PPP3CA: variants seen among roughly 807,000 people sequenced by gnomAD.
PPP3CA encodes protein phosphatase 3 catalytic subunit alpha.
In PPP3CA, 14 loss-of-function variants were observed where a neutral mutation model predicts 66.5. The observed-to-expected ratio is 0.21, with a 90% CI of 0.14 to 0.33. The LOEUF (loss-of-function observed/expected upper bound fraction) is 0.33. PPP3CA is among the 10% of genes least tolerant of loss of function. The pLI is 1.00. For missense variants in PPP3CA, 317 were observed against 639.5 expected (o/e 0.50, Z 5.44); for synonymous variants, 232 against 226.2 (o/e 1.03, Z -0.23).
At chr4:101,117,964 A>G (rs1721896880) in intron 2 of PPP3CA, among the ~76,000 whole-genome samples, 1 of 151,998 alleles carries the variant, frequency 6.6e-6, no homozygotes, top group African/African-American at 2.4e-5. Flanking sequence ...TATTATTAAT[A>G]AATTACTAAT....
At chr4:101,230,718 T>C (rs1372945590) in intron 1 of PPP3CA, among the ~76,000 whole-genome samples, 1 of 151,618 alleles carries the variant, frequency 6.6e-6, no homozygotes, top group African/African-American at 2.4e-5. Flanking sequence ...TCTGCCTGCA[T>C]AGGTAAAGTC....
chr4:101,327,210 C>T (rs1333817116), intron 1 of PPP3CA, among the ~76,000 whole-genome samples: 5 of 152,112 alleles, frequency 3.3e-5, no homozygotes, highest in Non-Finnish European at 7.4e-5. Context: ...ATATGGAGAA[C>T]AGTCTTACTT....
At chr4:101,117,791 A>G (rs886697825) in intron 2 of PPP3CA, among the ~76,000 whole-genome samples, 21 of 151,992 alleles carry the variant, frequency 1.4e-4, no homozygotes, top group African/African-American at 4.8e-4. Flanking sequence ...ACCAGTGGCT[A>G]TTTGATATGT....
intron 1 of PPP3CA, among the ~76,000 whole-genome samples, chr4:101,261,244 A>C (rs572245941): frequency 1.0e-3 from 153 of 152,254 alleles, no homozygotes; most frequent in Admixed American, 3.8e-3. Flanking sequence ...TGAGACTCTT[A>C]CAGCATATCA....
intron 11 of PPP3CA, among the ~76,000 whole-genome samples, chr4:101,033,608 A>G (rs1426293459): frequency 6.6e-6 from 1 of 152,222 alleles, no homozygotes; most frequent in Non-Finnish European, 1.5e-5. Context: ...CTACTACTGC[A>G]TCTCTTTTGA....
intron 1 of PPP3CA, among the ~76,000 whole-genome samples, chr4:101,202,208 A>C (rs778613784): frequency 8.5e-4 from 129 of 152,104 alleles, no homozygotes; most frequent in Non-Finnish European, 1.4e-3. Flanking sequence ...ATAAATATTT[A>C]ATTTTTTAGA....
chr4:101,259,929 T>G (rs1726960279), intron 1 of PPP3CA, among the ~76,000 whole-genome samples: 1 of 152,174 alleles, frequency 6.6e-6, no homozygotes, highest in Admixed American at 6.5e-5. Flanking sequence ...TTAAATAAAG[T>G]GCTAAGAGCT....
At chr4:101,276,743 GA>G (rs1045090271) in intron 1 of PPP3CA, among the ~76,000 whole-genome samples, 3 of 150,920 alleles carry the variant, frequency 2.0e-5, no homozygotes, top group Non-Finnish European at 3.0e-5. Context: ...TAGATTTAGA[GA>G]AAAAAAAACT....
At chr4:101,273,170 T>C (rs1388694074) in intron 1 of PPP3CA, among the ~76,000 whole-genome samples, 1 of 152,194 alleles carries the variant, frequency 6.6e-6, no homozygotes, top group Non-Finnish European at 1.5e-5. Context: ...TGGTATGTGT[T>C]TCTAAGTCAA....
In PPP3CA at chr4:101,077,505, T is replaced by C. The variant is rs560502469; in HGVS notation, c.955+3027A>G. On this transcript the variant is annotated intron_variant, in intron 8 of 13. Transcript: ENST00000394854. ...AAATTCTAGTTAACATCAATCTTAT[T>C]CAAACACAGTAATTTTCACTTTAGC... is the stretch of plus-strand genomic sequence containing the variant. Among the ~76,000 whole-genome samples the C allele has an allele frequency of 2.6e-5, 4 of 152,354 alleles. No individual in the cohort carries two copies. In the South Asian group the frequency reaches 8.3e-4, roughly 32 times the overall value.
intron 1 of PPP3CA, among the ~76,000 whole-genome samples, 166 bp downstream of exon 1, chr4:101,346,572 CG>C (rs1023204781): frequency 1.3e-5 from 2 of 150,766 alleles, no homozygotes; most frequent in East Asian, 2.0e-4. Context: ...GCCGCGGGGG[CG>C]GGGGGTTCGC....
chr4:101,232,856 A>G (rs957564433), intron 1 of PPP3CA, among the ~76,000 whole-genome samples: 5 of 151,722 alleles, frequency 3.3e-5, no homozygotes, highest in African/African-American at 1.2e-4. Context: ...TCCATTTTTA[A>G]TGGTCTATAT....
At chr4:101,215,692 T>A (rs1286153617) in intron 1 of PPP3CA, among the ~76,000 whole-genome samples, 1 of 152,090 alleles carries the variant, frequency 6.6e-6, no homozygotes, top group African/African-American at 2.4e-5. Flanking sequence ...TAAATAAAAC[T>A]AACCTTCAGT....
chr4:101,246,850 G>GA (rs922543843), intron 1 of PPP3CA, among the ~76,000 whole-genome samples: 5 of 152,158 alleles, frequency 3.3e-5, no homozygotes, highest in African/African-American at 1.2e-4. Flanking sequence ...AGGCAAAGGT[G>GA]AAAAAAACTC....
intron 10 of PPP3CA, 73 bp downstream of exon 10, chr4:101,061,014 T>C: frequency 8.2e-7 from 1 of 1,221,294 alleles, no homozygotes. Flanking sequence ...AGAAATTTAT[T>C]CTTAGATTTA....
chr4:101,045,327 T>C (rs373980244), intron 10 of PPP3CA, among the ~76,000 whole-genome samples: 14 of 152,334 alleles, frequency 9.2e-5, no homozygotes, highest in East Asian at 7.7e-4. Flanking sequence ...TAAGAGGATA[T>C]TGAGTGTATT....
At chr4:101,176,950 A>C (rs1724081611) in intron 2 of PPP3CA, among the ~76,000 whole-genome samples, 1 of 152,196 alleles carries the variant, frequency 6.6e-6, no homozygotes, top group African/African-American at 2.4e-5. Flanking sequence ...ATTAAAAAGT[A>C]GTCAATTCAC....
intron 2 of PPP3CA, among the ~76,000 whole-genome samples, chr4:101,137,455 G>A (rs903062590): frequency 3.9e-5 from 6 of 152,122 alleles, no homozygotes; most frequent in Admixed American, 6.5e-5. Flanking sequence ...TGTCATGCTC[G>A]GTGTGAGAAC....
chr4:101,109,606 T>C (rs1172600637), intron 2 of PPP3CA, among the ~76,000 whole-genome samples: 1 of 145,376 alleles, frequency 6.9e-6, no homozygotes, highest in Admixed American at 7.0e-5. Context: ...TCACTGAATC[T>C]AGAATGTTAT....
Sources: gnomAD v4.1 joint callset for allele counts (sites outside exome capture counted in the v4.1 genomes callset) on GRCh38, gnomAD v4.1.1 for gene constraint, MANE v1.5 for transcripts, NCBI Gene and HGNC (gene_info 2026-07-23, HGNC 2026-07-21) for gene names.